The following ZMYM2 variants were observed in gnomAD, a reference collection of about 807,000 sequenced individuals.
ZMYM2 encodes the protein zinc finger MYM-type protein 2.
Under a neutral mutation model 162.8 loss-of-function variants are expected in ZMYM2, and 56 were observed. The ratio of observed to expected loss-of-function variants is 0.34; its 90% CI spans 0.28 to 0.43. ZMYM2 has a LOEUF of 0.43. Ranked by LOEUF, ZMYM2 falls within the 20% of genes least tolerant of loss-of-function variation. ZMYM2 has a pLI of 1.00. For missense variants in ZMYM2, 1,275 were observed against 1,621.8 expected (o/e 0.79, Z 3.67); for synonymous variants, 510 against 541.6 (o/e 0.94, Z 0.81).
chr13:20,050,636 G>A (rs1173247743), intron 12 of ZMYM2, among the ~76,000 whole-genome samples: 3 of 151,904 alleles, frequency 2.0e-5, no homozygotes, highest in South Asian at 2.1e-4. Flanking sequence ...TGGTCAAGAC[G>A]TTAAGAAATA....
At chr13:20,044,876 C>T (rs896465224) in intron 12 of ZMYM2, among the ~76,000 whole-genome samples, 2 of 151,538 alleles carry the variant, frequency 1.3e-5, no homozygotes, top group African/African-American at 4.9e-5. Flanking sequence ...ATGGTAAAAC[C>T]CCGTCTCTAC....
rs1295108156 is a variant in ZMYM2, at chr13:20,006,514, A to G, written c.1440A>G (p.Gly480=). 6.2e-7 allele frequency: 1 copy of G among 1,613,902 alleles called. No individual in the cohort carries two copies. Among genetic ancestry groups the G allele is most frequent in the Non-Finnish European group, 8.5e-7 (1 of 1,179,848 alleles). Reference sequence around the variant, plus strand: ...AGTACTTGCCCAGTAAAGGTGCTGGAAATAATGTTCTGGTGATTGATGGTC... The same window carrying G: ...AGTACTTGCCCAGTAAAGGTGCTGGGAATAATGTTCTGGTGATTGATGGTC... ...CGEYLPSKGA[G]NNVLVIDGQQ... Residue 480 remains glycine (G), a synonymous_variant, in exon 6 of 25, where the codon GGA becomes GGG. Coordinates refer to ENST00000610343, the MANE Select transcript of ZMYM2 (RefSeq NM_197968.4).
intron 2 of ZMYM2, among the ~76,000 whole-genome samples, chr13:19,973,856 A>G (rs1289302259): frequency 6.6e-6 from 1 of 150,588 alleles, no homozygotes; most frequent in Non-Finnish European, 1.5e-5. Flanking sequence ...TTTTTTTTGG[A>G]TTTTAGTTGT....
the ZMYM2 span, among the ~76,000 whole-genome samples, chr13:19,944,097 A>G: frequency 6.6e-6 from 1 of 152,128 alleles, no homozygotes; most frequent in East Asian, 1.9e-4. Context: ...TCTTTTAGCT[A>G]CTTCTCTTTT....
At position 19,995,826 on chromosome 13, in the gene ZMYM2, C is replaced by A. The variant is rs549530075; in HGVS notation, c.847+1907C>A. ...CAACGTGGTGAAAAAATACAAAATA[C>A]TGAAAATATGAAAAGTTAGCTAGGC... On this transcript the variant is annotated intron_variant, in intron 3 of 24. Transcript: ENST00000610343. 1.7e-4 allele frequency among the ~76,000 whole-genome samples: 26 copies of A among 152,180 alleles called. 2 individuals carry two copies. In the South Asian group the frequency reaches 5.4e-3, roughly 32 times the overall value.
At chr13:19,926,314 A>T in the ZMYM2 span, among the ~76,000 whole-genome samples, 16 of 147,454 alleles carry the variant, frequency 1.1e-4, no homozygotes, top group East Asian at 2.9e-3. Flanking sequence ...ACAATAAAGG[A>T]TGTATTGTTT....
At chr13:19,956,612 G>A (rs1329527735), upstream of ZMYM2, among the ~76,000 whole-genome samples, 1 of 152,114 alleles carries the variant, frequency 6.6e-6, no homozygotes, top group Non-Finnish European at 1.5e-5. Flanking sequence ...AATTTAAAAA[G>A]TAAATAATAA....
chr13:19,878,118 T>C, the ZMYM2 span, among the ~76,000 whole-genome samples: 962 of 151,818 alleles, frequency 6.3e-3, 17 homozygotes, highest in African/African-American at 0.021. Flanking sequence ...AATGGCATGA[T>C]CTCAGCTCAC....
chr13:20,063,135 G>T (rs1363604122), intron 18 of ZMYM2, among the ~76,000 whole-genome samples, 164 bp downstream of exon 18: 4 of 150,808 alleles, frequency 2.7e-5, no homozygotes, highest in Admixed American at 6.6e-5. Flanking sequence ...TTTTGTTGTT[G>T]TTTTTTTTTA....
intron 12 of ZMYM2, among the ~76,000 whole-genome samples, chr13:20,037,483 A>AG (rs1231382332): frequency 1.3e-5 from 2 of 152,024 alleles, no homozygotes; most frequent in Non-Finnish European, 2.9e-5. Context: ...CAAAGTGCTG[A>AG]GATTACAGGC....
chr13:20,051,517 C>G lies in ZMYM2; in HGVS notation c.2377C>G (p.Gln793Glu), dbSNP rs1325782988. The G allele has an allele frequency of 6.2e-7, 1 of 1,613,392 alleles. No individual in the cohort carries two copies. The highest frequency in any genetic ancestry group is 1.3e-5 in the African/African-American group (1 of 74,884). ...WRGEMKHFCD[Q>E]HCLLRFYCQQ... ...TGGGGAAATGAAACATTTCTGTGAT[C>G]AACATTGCTTACTGCGTTTCTACTG... Residue 793 changes from glutamine (Q) to glutamate (E), a missense_variant, in exon 13 of 25, where the codon CAA (glutamine) becomes GAA (glutamate). Gln to Glu is a conservative substitution (Grantham distance 29, BLOSUM62 2). Around this residue, in one of 10 missense-constraint regions of ZMYM2, gnomAD observed 177 missense variants for 228.0 expected, o/e 0.78. Transcript: ENST00000610343.
chr13:20,034,104 A>G (rs1246160553), intron 10 of ZMYM2, 150 bp from the exon 11 acceptor site: 3 of 643,582 alleles, frequency 4.7e-6, no homozygotes, highest in Non-Finnish European at 6.7e-6. Flanking sequence ...TGAATTGGTT[A>G]AACTAGGCAT....
chr13:19,962,888 G>A (rs1251080238), intron 2 of ZMYM2, among the ~76,000 whole-genome samples: 3 of 136,774 alleles, frequency 2.2e-5, no homozygotes, highest in Non-Finnish European at 3.1e-5. Context: ...GTGGCGTGAT[G>A]TCTGCTCACT....
At chr13:19,988,497 C>T (rs942228678) in intron 2 of ZMYM2, among the ~76,000 whole-genome samples, 5 of 152,062 alleles carry the variant, frequency 3.3e-5, no homozygotes, top group African/African-American at 1.2e-4. Flanking sequence ...AGACGAGTTA[C>T]GGCCGGGCAT....
the ZMYM2 span, among the ~76,000 whole-genome samples, chr13:19,898,057 C>T: frequency 2.6e-5 from 4 of 152,248 alleles, no homozygotes; most frequent in East Asian, 7.7e-4. Flanking sequence ...TTCTCAGGTA[C>T]ACATGGGAAA....
At chr13:20,046,849 T>G (rs1382013529) in intron 12 of ZMYM2, among the ~76,000 whole-genome samples, 3 of 151,966 alleles carry the variant, frequency 2.0e-5, no homozygotes, top group South Asian at 2.1e-4. Context: ...ATTTCTGTTT[T>G]CATTTATGCA....
chr13:19,888,085 C>G, the ZMYM2 span, among the ~76,000 whole-genome samples: 1 of 151,692 alleles, frequency 6.6e-6, no homozygotes, highest in Non-Finnish European at 1.5e-5. Flanking sequence ...TCTCCATGTT[C>G]CCAGCTTGGT....
chr13:20,034,213 T>TC, intron 10 of ZMYM2, 41 bp from the exon 11 acceptor site: 1 of 1,408,172 alleles, frequency 7.1e-7, no homozygotes, highest in Non-Finnish European at 9.2e-7. Context: ...TTTCTTAAGC[T>TC]TGTCGTCATA....
At chr13:19,971,882 T>C (rs910999959) in intron 2 of ZMYM2, among the ~76,000 whole-genome samples, 1 of 151,866 alleles carries the variant, frequency 6.6e-6, no homozygotes, top group Non-Finnish European at 1.5e-5. Context: ...AAAAAAAAAC[T>C]AGATGTAGAG....
Sources: allele counts gnomAD v4.1 joint callset (sites outside exome capture counted in the v4.1 genomes callset), GRCh38; gene constraint gnomAD v4.1.1; regional missense constraint gnomAD v4.1.1; transcripts MANE v1.5; gene names NCBI Gene and HGNC (gene_info 2026-07-23, HGNC 2026-07-21).